The following TRABD2B variants were observed in gnomAD, a reference collection of about 807,000 sequenced individuals.
TRABD2B encodes TraB domain containing 2B, also known as metalloprotease TIKI2.
Under a neutral mutation model 40.1 loss-of-function variants are expected in TRABD2B, and 14 were observed. That is an observed-to-expected ratio of 0.35 (90% CI 0.23 to 0.55). The LOEUF is 0.55. Ranked by LOEUF, TRABD2B falls within the 20% of genes least tolerant of loss-of-function variation. The probability of loss-of-function intolerance (pLI) is 0.90; values close to 1 mark genes in which losing one functional copy is unlikely to be tolerated. For synonymous variants in TRABD2B, 263 were observed against 277.0 expected (o/e 0.95, Z 0.50); for missense variants, 541 against 648.6 (o/e 0.83, Z 1.80).
rs1322806456 is a variant in TRABD2B, at chr1:47,847,955, C to T, written c.667-46336G>A. ...CCTTTATTAATGACATGGGGCGGGG[C>T]TGACGCCATAAATTCCAGCTACCTG... On this transcript the variant is annotated intron_variant, in intron 2 of 6. Coordinates refer to ENST00000606738, the MANE Select transcript of TRABD2B (RefSeq NM_001194986.2). Among the ~76,000 whole-genome samples the T allele has an allele frequency of 3.9e-5, 6 of 152,184 alleles. 1 individual carries two copies. The highest frequency in any genetic ancestry group is 1.4e-4 in the African/African-American group (6 of 41,422).
chr1:47,842,719 G>A (rs768552500), intron 2 of TRABD2B, among the ~76,000 whole-genome samples: 1 of 152,196 alleles, frequency 6.6e-6, no homozygotes, highest in African/African-American at 2.4e-5. Flanking sequence ...CTATGGATGC[G>A]TCTGCCCCAT....
At chr1:47,936,153 G>T (rs1002564626) in intron 2 of TRABD2B, among the ~76,000 whole-genome samples, 4 of 152,182 alleles carry the variant, frequency 2.6e-5, no homozygotes, top group African/African-American at 7.2e-5. Context: ...CTTAGCAACA[G>T]ACTCAGCTGA....
At chr1:47,820,733 C>T (rs1052820993) in intron 2 of TRABD2B, among the ~76,000 whole-genome samples, 13 of 150,830 alleles carry the variant, frequency 8.6e-5, no homozygotes, top group South Asian at 2.1e-4. Context: ...GGAATAGCAA[C>T]GTTAAGGCAA....
chr1:47,920,154 G>A (rs1003463067), intron 2 of TRABD2B, among the ~76,000 whole-genome samples: 4 of 152,202 alleles, frequency 2.6e-5, no homozygotes, highest in African/African-American at 9.7e-5. Flanking sequence ...ATCGAGTGGT[G>A]GATGATGCCC....
At chr1:47,961,899 A>G (rs562851059) in intron 2 of TRABD2B, among the ~76,000 whole-genome samples, 116 of 152,324 alleles carry the variant, frequency 7.6e-4, no homozygotes, top group African/African-American at 2.8e-3. Context: ...TGCTGCTATA[A>G]AGACACATGC....
intron 4 of TRABD2B, among the ~76,000 whole-genome samples, chr1:47,781,278 T>C (rs188978395): frequency 1.1e-4 from 17 of 152,272 alleles, no homozygotes; most frequent in African/African-American, 4.1e-4. Flanking sequence ...CCAACAGCGG[T>C]CCTCGCGTTT....
intron 2 of TRABD2B, among the ~76,000 whole-genome samples, chr1:47,988,161 A>G (rs979338489): frequency 4.6e-5 from 7 of 152,146 alleles, no homozygotes; most frequent in African/African-American, 1.4e-4. Context: ...CCATTCTTGG[A>G]GGACAGGAAA....
chr1:47,979,147 C>G (rs963248125), intron 2 of TRABD2B, among the ~76,000 whole-genome samples: 5 of 152,164 alleles, frequency 3.3e-5, no homozygotes, highest in Non-Finnish European at 7.3e-5. Flanking sequence ...TGCTGAGGTA[C>G]TTGGCCTCCT....
Position 47,801,562 on chromosome 1 carries a change from G to T in TRABD2B, c.724C>A (p.Leu242Met). 3.9e-6 allele frequency: 6 copies of T among 1,536,080 alleles called. No individual in the cohort carries two copies. Among genetic ancestry groups the T allele is most frequent in the Non-Finnish European group, 5.2e-6 (6 of 1,146,876 alleles). The change falls in exon 3 of 7, where the codon CTG (leucine) becomes ATG (methionine). Residue 242 changes from leucine (L) to methionine (M), a missense_variant. Physicochemically the swap from Leu to Met is conservative, Grantham distance 15. Coordinates refer to ENST00000606738, the MANE Select transcript of TRABD2B (RefSeq NM_001194986.2). Reference sequence around the variant, plus strand: ...TCCTCCGTGGTGTAGGAGGCCTGCAGGCTCCCGGCCCGCACACTCTCCTGC... The same window carrying T: ...TCCTCCGTGGTGTAGGAGGCCTGCATGCTCCCGGCCCGCACACTCTCCTGC... The part of the protein sequence containing the change: ...LQQESVRAGS[L>M]QASYTTEDLI...
At chr1:47,973,427 T>G (rs1242493936) in intron 2 of TRABD2B, among the ~76,000 whole-genome samples, 9 of 152,232 alleles carry the variant, frequency 5.9e-5, no homozygotes. Context: ...AACCCGAAGA[T>G]GCCACTAACA....
chr1:47,946,713 G>A (rs566125370), intron 2 of TRABD2B, among the ~76,000 whole-genome samples: 4 of 152,092 alleles, frequency 2.6e-5, no homozygotes, highest in Non-Finnish European at 5.9e-5. Context: ...TAATTTCTTG[G>A]CCTTGTTTTG....
At chr1:47,893,740 T>C (rs1421213588) in intron 2 of TRABD2B, among the ~76,000 whole-genome samples, 2 of 152,136 alleles carry the variant, frequency 1.3e-5, no homozygotes, top group African/African-American at 4.8e-5. Context: ...TTCCAGGGAC[T>C]AAAAGAGAAG....
Position 47,994,326 on chromosome 1 carries a change from A to G in TRABD2B, c.374T>C (p.Leu125Pro), listed in dbSNP as rs777601636. The G allele has an allele frequency of 6.5e-7, 1 of 1,536,288 alleles. No individual in the cohort carries two copies. Among genetic ancestry groups the G allele is most frequent in the Non-Finnish European group, 8.7e-7 (1 of 1,146,946 alleles). ...GGGCATCATCAACTTCACGTAGTCC[A>G]GGTGGCGCTTCAAGCGCCAGTAAAG... ...HELYWRLKRH[L>P]DYVKLMMPSW... Residue 125 changes from leucine to proline, a missense_variant, in exon 2 of 7, where the codon CTG becomes CCG. This residue lies in a region of TRABD2B where 369 missense variants were observed against 492.8 expected (regional missense o/e 0.75). Coordinates refer to ENST00000606738, the MANE Select transcript of TRABD2B (RefSeq NM_001194986.2). The surrounding 1 kb of genome is among the most constrained non-coding windows in gnomAD (Gnocchi z 6.7).
chr1:47,991,077 A>G (rs1264981412), intron 2 of TRABD2B, among the ~76,000 whole-genome samples: 1 of 151,934 alleles, frequency 6.6e-6, no homozygotes, highest in Non-Finnish European at 1.5e-5. Flanking sequence ...ATGATTACAG[A>G]AGATATCAAA....
At chr1:47,879,736 C>T (rs1644275550) in intron 2 of TRABD2B, among the ~76,000 whole-genome samples, 1 of 152,232 alleles carries the variant, frequency 6.6e-6, no homozygotes, top group African/African-American at 2.4e-5. Context: ...AGAGACAGCT[C>T]ATTTAGATGT....
chr1:47,995,105 G>C (rs985069768), intron 1 of TRABD2B, among the ~76,000 whole-genome samples: 1 of 152,198 alleles, frequency 6.6e-6, no homozygotes, highest in Non-Finnish European at 1.5e-5. Flanking sequence ...AAGAAGGGAG[G>C]AAGTCATATA....
chr1:47,892,876 G>T (rs1295532206), intron 2 of TRABD2B, among the ~76,000 whole-genome samples: 1 of 152,236 alleles, frequency 6.6e-6, no homozygotes, highest in African/African-American at 2.4e-5. Context: ...TACAAATCCA[G>T]TCTCCAGTTT....
chr1:47,921,886 C>T (rs2132773), intron 2 of TRABD2B, among the ~76,000 whole-genome samples: 1 of 152,132 alleles, frequency 6.6e-6, no homozygotes, highest in Non-Finnish European at 1.5e-5. Flanking sequence ...TATTGAGTAC[C>T]TAATATAGGC....
At chr1:47,932,619 A>C (rs544085187) in intron 2 of TRABD2B, among the ~76,000 whole-genome samples, 5 of 152,198 alleles carry the variant, frequency 3.3e-5, no homozygotes, top group Non-Finnish European at 7.3e-5. Context: ...AATTCGTGCA[A>C]CAGGAGAAGG....
Sources: allele counts gnomAD v4.1 joint callset (sites outside exome capture counted in the v4.1 genomes callset), GRCh38; gene constraint gnomAD v4.1.1; regional missense constraint gnomAD v4.1.1; non-coding constraint Gnocchi (gnomAD v3.1); transcripts MANE v1.5; gene names NCBI Gene and HGNC (gene_info 2026-07-23, HGNC 2026-07-21).